TMCC2: variants seen among roughly 807,000 people sequenced by gnomAD.
The protein encoded by TMCC2 is transmembrane and coiled-coil domains protein 2.
In TMCC2, 16 loss-of-function variants were observed where a neutral mutation model predicts 49.4. That is an observed-to-expected ratio of 0.32 (90% confidence interval 0.22 to 0.49). TMCC2 has a LOEUF of 0.49. Ranked by LOEUF, TMCC2 falls within the 20% of genes least tolerant of loss-of-function variation. The probability of loss-of-function intolerance (pLI) is 0.99; values close to 1 mark genes in which losing one functional copy is unlikely to be tolerated. For missense variants in TMCC2, 762 were observed against 989.8 expected (o/e 0.77, Z 3.09); for synonymous variants, 397 against 434.1 (o/e 0.91, Z 1.06).
chr1:205,246,354 T>G, intron 2 of TMCC2: 1 of 419,796 alleles, frequency 2.4e-6, no homozygotes, highest in Non-Finnish European at 3.5e-6. Flanking sequence ...GTACCTTCAG[T>G]TTGAAGTGGC....
chr1:205,242,422 T>C (rs1470501616), intron 2 of TMCC2, among the ~76,000 whole-genome samples: 3 of 152,168 alleles, frequency 2.0e-5, no homozygotes, highest in Non-Finnish European at 4.4e-5. Flanking sequence ...GTTTCACCAA[T>C]TGAAAATGAG....
intron 2 of TMCC2, among the ~76,000 whole-genome samples, chr1:205,248,209 C>G (rs1256817402): frequency 6.6e-6 from 1 of 152,160 alleles, no homozygotes; most frequent in Non-Finnish European, 1.5e-5. Flanking sequence ...GAGTTTGAGA[C>G]CAGCCTGGGC....
intron 2 of TMCC2, among the ~76,000 whole-genome samples, chr1:205,266,726 G>C (rs1661355132): frequency 6.6e-6 from 1 of 151,952 alleles, no homozygotes; most frequent in South Asian, 2.1e-4. Flanking sequence ...TCTCCCAGGG[G>C]AAAAAAGGGA....
At chr1:205,243,796 C>T (rs1660359698) in intron 2 of TMCC2, among the ~76,000 whole-genome samples, 1 of 152,094 alleles carries the variant, frequency 6.6e-6, no homozygotes, top group Non-Finnish European at 1.5e-5. Context: ...TGGGCCAGGG[C>T]CAGTGCTCTG....
In TMCC2 at chr1:205,272,580, T is replaced by C. The variant is rs991577921; in HGVS notation, c.*456T>C. 7.5e-5 allele frequency: 13 copies of C among 174,288 alleles called. No homozygotes were observed. In the South Asian group the frequency reaches 1.6e-3, roughly 21 times the overall value. 10.8% of individuals were successfully genotyped at this position (174,288 alleles called of 1,614,324 possible). On this transcript the variant is annotated 3_prime_UTR_variant, in exon 5 of 5. Coordinates refer to ENST00000358024, the MANE Select transcript of TMCC2 (RefSeq NM_014858.4). ...AAGGCTGGAGAGTGAGGGAGGAGGC[T>C]CTGCTGGCCGCAGAGAACACAGGGA...
rs1261618863 is a variant in TMCC2 at position 205,269,216 on chromosome 1, G to A, written c.1014G>A (p.Lys338=). The A allele has an allele frequency of 1.2e-6, 2 of 1,614,084 alleles. No individual in the cohort carries two copies. The highest frequency in any genetic ancestry group is 2.2e-5 in the East Asian group (1 of 44,882). The change falls in exon 3 of 5, where the codon AAG becomes AAA. Residue 338 remains lysine (K), a synonymous_variant. Coordinates refer to ENST00000358024, the MANE Select transcript of TMCC2 (RefSeq NM_014858.4). ...QVSRIKQVFE[K]KNQKSAQTIA... The stretch of plus-strand genomic sequence containing the variant: ...CACGCATCAAGCAAGTGTTCGAGAA[G>A]AAGAACCAGAAGTCAGCCCAGACCA...
At position 205,260,196 on chromosome 1, in the gene TMCC2, G is replaced by A. The variant is rs1196165779; in HGVS notation, c.748-8754G>A. The stretch of plus-strand genomic sequence containing the variant: ...AGCCTATCTCAGGCAGGTTGGGGTG[G>A]GGTGAGGAGGTCATGGTGTGGGGGC... On this transcript the variant is annotated intron_variant, in intron 2 of 4. Coordinates refer to ENST00000358024, the MANE Select transcript of TMCC2 (RefSeq NM_014858.4). Among the ~76,000 whole-genome samples, 3 of 152,320 alleles carry A rather than the reference G, an allele frequency of 2.0e-5. No individual in the cohort carries two copies. The East Asian group carries it at 5.8e-4, about 29-fold the overall frequency.
chr1:205,259,835 G>A (rs561782002), intron 2 of TMCC2, among the ~76,000 whole-genome samples: 1 of 152,328 alleles, frequency 6.6e-6, no homozygotes, highest in South Asian at 2.1e-4. Flanking sequence ...AGTCCGGGGT[G>A]CCACCAAGGC....
intron 1 of TMCC2, among the ~76,000 whole-genome samples, chr1:205,231,728 C>T (rs1443782548): frequency 6.6e-6 from 1 of 151,564 alleles, no homozygotes; most frequent in Non-Finnish European, 1.5e-5. Flanking sequence ...GATGGTGGTA[C>T]CACAGAAGGG....
chr1:205,245,448 G>A (rs983674426), intron 2 of TMCC2, among the ~76,000 whole-genome samples: 2 of 152,172 alleles, frequency 1.3e-5, no homozygotes, highest in African/African-American at 4.8e-5. Flanking sequence ...ACATTTGGGG[G>A]ATGTGAGGCC....
chr1:205,239,337 C>A (rs2102539085), intron 1 of TMCC2, among the ~76,000 whole-genome samples: 1 of 152,258 alleles, frequency 6.6e-6, no homozygotes, highest in East Asian at 1.9e-4. Flanking sequence ...GGTGTCCTGG[C>A]AGGTCCCTGG....
intron 1 of TMCC2, 53 bp downstream of exon 1, chr1:205,228,824 A>G (rs772221015): frequency 1.2e-5 from 18 of 1,534,494 alleles, no homozygotes; most frequent in Non-Finnish European, 1.6e-5. Context: ...AGCTCTCGCC[A>G]CCCCACGCAG....
chr1:205,242,483 CT>C (rs1316982497), intron 2 of TMCC2, among the ~76,000 whole-genome samples: 1 of 152,112 alleles, frequency 6.6e-6, no homozygotes, highest in Non-Finnish European at 1.5e-5. Flanking sequence ...ATGTAAAATA[CT>C]TGGAATAGAG....
Position 205,241,467 on chromosome 1 carries a change from T to A in TMCC2, c.208-38T>A. 6.2e-7 allele frequency: 1 copy of A among 1,601,360 alleles called. No individual in the cohort carries two copies. Among genetic ancestry groups the A allele is most frequent in the Non-Finnish European group, 8.5e-7 (1 of 1,173,476 alleles). On this transcript the variant is annotated intron_variant, in intron 1 of 4. Transcript: ENST00000358024. The surrounding 1 kb of genome is among the most constrained non-coding windows in gnomAD (Gnocchi z 7.3). ...TCCTACTGACTAGGCAATCAAGAGC[T>A]TTCCACTCACCAGGGTTCTTCATCT...
At chr1:205,230,113 G>A (rs1659732965) in intron 1 of TMCC2, 2 of 985,414 alleles carry the variant, frequency 2.0e-6, no homozygotes, top group Non-Finnish European at 2.4e-6. Context: ...ACCAGAATAA[G>A]CCAATGCCAT....
chr1:205,253,539 T>A (rs1463994530), intron 2 of TMCC2, among the ~76,000 whole-genome samples: 1 of 152,220 alleles, frequency 6.6e-6, no homozygotes, highest in African/African-American at 2.4e-5. Context: ...CCACTCTGTG[T>A]CACTGAGATG....
intron 1 of TMCC2, among the ~76,000 whole-genome samples, chr1:205,231,977 C>T (rs1410737044): frequency 6.6e-6 from 1 of 152,138 alleles, no homozygotes; most frequent in Non-Finnish European, 1.5e-5. Context: ...CTGTGTAAAG[C>T]ACCTCCGTAG....
intron 2 of TMCC2, among the ~76,000 whole-genome samples, chr1:205,254,019 C>T (rs917952942): frequency 6.6e-6 from 1 of 152,204 alleles, no homozygotes; most frequent in Non-Finnish European, 1.5e-5. Flanking sequence ...CCCTCTCCTC[C>T]ATCTCCTGAT....
chr1:205,266,240 C>CAAA (rs35034505), intron 2 of TMCC2, among the ~76,000 whole-genome samples: 5 of 49,274 alleles, frequency 1.0e-4, no homozygotes, highest in Non-Finnish European at 8.5e-5. Flanking sequence ...GACTCTGTCT[C>CAAA]AAAAAAAAAA....
Sources: allele counts gnomAD v4.1 joint callset (sites outside exome capture counted in the v4.1 genomes callset), GRCh38; gene constraint gnomAD v4.1.1; non-coding constraint Gnocchi (gnomAD v3.1); transcripts MANE v1.5; gene names NCBI Gene and HGNC (gene_info 2026-07-23, HGNC 2026-07-21).